Variants in PDE4D observed in about 807,000 individuals in gnomAD.
The protein encoded by PDE4D is phosphodiesterase 4D.
In PDE4D, 24 loss-of-function variants were observed where a neutral mutation model predicts 87.4. The ratio of observed to expected loss-of-function variants is 0.27; its 90% CI spans 0.20 to 0.39. The LOEUF is 0.39. PDE4D is among the 10% of genes least tolerant of loss of function. PDE4D has a pLI of 1.00. For synonymous variants in PDE4D, 384 were observed against 383.2 expected, an observed-to-expected ratio of 1.00 and a Z score of -0.02; for missense variants, 714 against 1,041.0, an observed-to-expected ratio of 0.69 and a Z score of 4.32.
chr5:59,526,920 C>G (rs564438807), intron 1 of PDE4D, among the ~76,000 whole-genome samples: 16 of 152,320 alleles, frequency 1.1e-4, no homozygotes, highest in Non-Finnish European at 2.2e-4. Context: ...GCCACCAGGC[C>G]TGGCCAATTT....
At chr5:59,820,862 G>C (rs1769564017) in intron 1 of PDE4D, among the ~76,000 whole-genome samples, 1 of 152,176 alleles carries the variant, frequency 6.6e-6, no homozygotes, top group African/African-American at 2.4e-5. Flanking sequence ...GGGGTTTATA[G>C]GAGTTCATAA....
chr5:60,416,457 G>A (rs10073390), intron 1 of PDE4D, among the ~76,000 whole-genome samples: 3 of 151,656 alleles, frequency 2.0e-5, no homozygotes, highest in Non-Finnish European at 4.4e-5. Flanking sequence ...GCTTCACTCC[G>A]GAAGCCAGCG....
chr5:59,088,519 C>T (rs1447509840), intron 5 of PDE4D, among the ~76,000 whole-genome samples: 2 of 152,104 alleles, frequency 1.3e-5, no homozygotes, highest in African/African-American at 4.8e-5. Context: ...ATTACAGCAG[C>T]ATTAACAATA....
chr5:60,461,145 A>G, intron 1 of PDE4D, among the ~76,000 whole-genome samples: 1 of 152,186 alleles, frequency 6.6e-6, no homozygotes, highest in East Asian at 1.9e-4. Flanking sequence ...ATGGGAGAAA[A>G]TGCAGAAAAT....
intron 1 of PDE4D, among the ~76,000 whole-genome samples, chr5:59,507,679 AAAAAGAAAAG>A (rs557621145): frequency 8.4e-6 from 1 of 118,712 alleles, no homozygotes; most frequent in African/African-American, 3.5e-5. Context: ...AAAAAAAAAA[AAAAAGAAAAG>A]AAAAGAAAAA....
chr5:60,043,455 G>A (rs545504398), intron 2 of PDE4D, among the ~76,000 whole-genome samples: 1 of 152,198 alleles, frequency 6.6e-6, no homozygotes, highest in East Asian at 1.9e-4. Flanking sequence ...ACACCACAAA[G>A]ATACTCCTCG....
chr5:59,025,005 C>T (rs1372186134), intron 6 of PDE4D, among the ~76,000 whole-genome samples: 1 of 151,324 alleles, frequency 6.6e-6, no homozygotes, highest in Admixed American at 6.6e-5. Flanking sequence ...AATTTATGAA[C>T]AGCTCTGGCC....
chr5:60,446,856 T>C (rs1745682562), intron 1 of PDE4D, among the ~76,000 whole-genome samples: 1 of 152,244 alleles, frequency 6.6e-6, no homozygotes, highest in South Asian at 2.1e-4. Context: ...CTGCCAAGCT[T>C]TGGCCCAGAA....
chr5:60,069,538 G>A (rs1352115939), intron 2 of PDE4D, among the ~76,000 whole-genome samples: 1 of 151,762 alleles, frequency 6.6e-6, no homozygotes, highest in East Asian at 1.9e-4. Flanking sequence ...ATGTTCCATT[G>A]GTCTATATGT....
chr5:59,231,549 C>T (rs77493323), intron 1 of PDE4D, among the ~76,000 whole-genome samples: 2,329 of 152,304 alleles, frequency 0.015, 64 homozygotes, highest in African/African-American at 0.053. Flanking sequence ...CTGCCACATC[C>T]TCCTAAACAC....
intron 1 of PDE4D, among the ~76,000 whole-genome samples, chr5:59,777,374 C>T (rs1764182595): frequency 6.6e-6 from 1 of 152,128 alleles, no homozygotes; most frequent in Admixed American, 6.5e-5. Context: ...TGGACAGAAG[C>T]CTGTTGGGAG....
At chr5:59,434,672 G>C (rs1582587392) in intron 1 of PDE4D, among the ~76,000 whole-genome samples, 1 of 151,992 alleles carries the variant, frequency 6.6e-6, no homozygotes, top group South Asian at 2.1e-4. Flanking sequence ...TAGTTCATTT[G>C]AGCATTTATA....
chr5:60,494,422 G>C (rs1368870787), intron 1 of PDE4D, among the ~76,000 whole-genome samples: 2 of 152,192 alleles, frequency 1.3e-5, no homozygotes, highest in Non-Finnish European at 2.9e-5. Flanking sequence ...TGACTAAGGG[G>C]GCAGTTATTC....
At chr5:59,722,193 A>G (rs1369252595) in intron 1 of PDE4D, among the ~76,000 whole-genome samples, 3 of 152,214 alleles carry the variant, frequency 2.0e-5, no homozygotes, top group Non-Finnish European at 2.9e-5. Context: ...AATGCTAATA[A>G]GGCAAGAAAG....
At chr5:60,493,237 T>C (rs562151740) in intron 1 of PDE4D, among the ~76,000 whole-genome samples, 1 of 152,202 alleles carries the variant, frequency 6.6e-6, no homozygotes, top group South Asian at 2.1e-4. Flanking sequence ...TAAACATTCC[T>C]GCATGAGGGA....
At chr5:60,125,531 G>A (rs1779057435) in intron 2 of PDE4D, among the ~76,000 whole-genome samples, 1 of 152,082 alleles carries the variant, frequency 6.6e-6, no homozygotes. Flanking sequence ...TGTACTGACT[G>A]CTAAACAGCT....
At chr5:60,004,747 AAT>A (rs1764315980) in intron 2 of PDE4D, among the ~76,000 whole-genome samples, 1 of 152,174 alleles carries the variant, frequency 6.6e-6, no homozygotes, top group Non-Finnish European at 1.5e-5. Flanking sequence ...TCACCAGGGA[AAT>A]GTACATCAAA....
chr5:59,864,431 T>A (rs879715292), intron 1 of PDE4D, among the ~76,000 whole-genome samples: 2 of 152,210 alleles, frequency 1.3e-5, no homozygotes, highest in Admixed American at 6.5e-5. Context: ...TAAACACCTG[T>A]CTGATTAATC....
At chr5:59,455,344 G>T (rs1799757150) in intron 1 of PDE4D, among the ~76,000 whole-genome samples, 1 of 152,190 alleles carries the variant, frequency 6.6e-6, no homozygotes, top group African/African-American at 2.4e-5. Flanking sequence ...ACTAAAAGTG[G>T]CCAAGGTACA....
Sources: gnomAD v4.1 joint callset for allele counts (sites outside exome capture counted in the v4.1 genomes callset) on GRCh38, gnomAD v4.1.1 for gene constraint, MANE v1.5 for transcripts, NCBI Gene and HGNC (gene_info 2026-07-23, HGNC 2026-07-21) for gene names.